Variants in TTC3 observed in about 807,000 individuals in gnomAD.
TTC3 encodes E3 ubiquitin-protein ligase TTC3.
TTC3 carries 180 observed loss-of-function variants against 249.6 expected under a neutral mutation model. The ratio of observed to expected loss-of-function variants is 0.72; its 90% CI spans 0.64 to 0.82. TTC3 has a LOEUF of 0.82. Ranked by LOEUF, TTC3 falls within the 40% of genes least tolerant of loss-of-function variation. The pLI, the probability that TTC3 is intolerant of heterozygous loss-of-function variation, is 0.00. For missense variants in TTC3, 2,061 were observed against 2,398.4 expected, an observed-to-expected ratio of 0.86 and a Z score of 2.94; for synonymous variants, 717 against 805.0, an observed-to-expected ratio of 0.89 and a Z score of 1.85.
chr21:37,182,847 A>G, exon 36 of TTC3: 1 of 1,595,650 alleles, frequency 6.3e-7, no homozygotes, highest in Non-Finnish European at 8.5e-7. Flanking sequence ...CAGGAAAAAA[A>G]AGAAATCCAA....
intron 36 of TTC3, among the ~76,000 whole-genome samples, chr21:37,183,652 C>T (rs2082961078): frequency 6.6e-6 from 1 of 152,068 alleles, no homozygotes; most frequent in Non-Finnish European, 1.5e-5. Flanking sequence ...GTGGCCTCAG[C>T]TGGGATGCTG....
At chr21:37,108,204 C>T (rs1040816164) in intron 10 of TTC3, 188 bp from the exon 11 acceptor site, 2 of 487,764 alleles carry the variant, frequency 4.1e-6, no homozygotes, top group South Asian at 3.8e-5. Context: ...TGACTTTTTC[C>T]CTTTGTTTTA....
chr21:37,118,121 CT>C (rs10710372), intron 11 of TTC3, among the ~76,000 whole-genome samples: 103,276 of 150,886 alleles, frequency 0.68, 35,645 homozygotes, highest in African/African-American at 0.77. Context: ...GGTTATTTTT[CT>C]TTTTTTTTTA....
chr21:37,080,022 A>G (rs1322927897), intron 1 of TTC3, among the ~76,000 whole-genome samples: 1 of 151,664 alleles, frequency 6.6e-6, no homozygotes, highest in African/African-American at 2.4e-5. Flanking sequence ...TATTTCATTG[A>G]TCTTTTTTCT....
chr21:37,138,746 A>C (rs2078180856), intron 19 of TTC3, 32 bp downstream of exon 19: 2 of 1,422,064 alleles, frequency 1.4e-6, no homozygotes, highest in Non-Finnish European at 2.0e-6. Flanking sequence ...ATAAACAATT[A>C]AAATGATATT....
intron 11 of TTC3, among the ~76,000 whole-genome samples, chr21:37,116,244 T>G (rs890347086): frequency 2.0e-5 from 3 of 152,222 alleles, no homozygotes; most frequent in Non-Finnish European, 4.4e-5. Flanking sequence ...TTTATGGATT[T>G]TAAAAAGTTA....
At position 37,090,296 on chromosome 21, in the gene TTC3, A is replaced by G. The variant is rs747911399; in HGVS notation, c.480+10A>G. The G allele has an allele frequency of 3.9e-5, 62 of 1,602,548 alleles. No homozygotes were observed. The highest frequency in any genetic ancestry group is 2.5e-4 in the Admixed American group (15 of 58,854). On this transcript the variant is annotated intron_variant, in intron 6 of 45. Transcript: ENST00000355666. ...TTGTAAAATAGAAAATGTAAGTGTT[A>G]AACACTGAAACTGGCACAGCCACTG...
In TTC3 at chr21:37,187,094, GA is replaced by G; in HGVS notation, c.4875del (p.Glu1628ArgfsTer40). 1.3e-6 allele frequency: 2 copies of G among 1,570,946 alleles called. No individual in the cohort carries two copies. The highest frequency in any genetic ancestry group is 1.7e-6 in the Non-Finnish European group (2 of 1,166,490). On this transcript the variant is annotated frameshift_variant, in exon 38 of 46. Coordinates refer to ENST00000355666, the Ensembl canonical transcript of TTC3. LOFTEE classifies it high-confidence loss of function. ...AAATGAAAATAGAAGAGTATATAAA[GA>G]AAGGGAAAGAGGATTATGAAGAGAG...
chr21:37,198,688 A>G (rs1384464707), intron 44 of TTC3, among the ~76,000 whole-genome samples: 1 of 152,244 alleles, frequency 6.6e-6, no homozygotes, highest in African/African-American at 2.4e-5. Flanking sequence ...AGAAAATACA[A>G]ATAAAAAGGG....
intron 27 of TTC3, among the ~76,000 whole-genome samples, chr21:37,155,331 C>T (rs185895643): frequency 3.9e-5 from 6 of 152,164 alleles, no homozygotes; most frequent in Non-Finnish European, 8.8e-5. Flanking sequence ...TAATAGAGCA[C>T]TAGTGAGATA....
chr21:37,124,917 C>A (rs1489167586), intron 14 of TTC3, among the ~76,000 whole-genome samples, 175 bp downstream of exon 14: 1 of 152,052 alleles, frequency 6.6e-6, no homozygotes, highest in African/African-American at 2.4e-5. Context: ...CATATAACTA[C>A]GTAAATAATA....
At chr21:37,122,437 TTA>T (rs1555879562) in intron 12 of TTC3, among the ~76,000 whole-genome samples, 2,835 of 28,458 alleles carry the variant, frequency 0.1, 125 homozygotes, top group African/African-American at 0.24. Context: ...TATATATATA[TTA>T]TATATATATA....
intron 28 of TTC3, among the ~76,000 whole-genome samples, chr21:37,159,087 G>A (rs138585473): frequency 4.5e-4 from 68 of 152,248 alleles, no homozygotes; most frequent in African/African-American, 1.5e-3. Flanking sequence ...TGGGGTCTGG[G>A]TTCATCATCA....
chr21:37,132,812 A>G (rs946560692), intron 17 of TTC3, 46 bp downstream of exon 17: 2 of 1,450,648 alleles, frequency 1.4e-6, no homozygotes, highest in Non-Finnish European at 1.9e-6. Context: ...CTCTTTGAAC[A>G]AAACATTGTT....
intron 18 of TTC3, among the ~76,000 whole-genome samples, chr21:37,137,516 G>C (rs2078062646): frequency 6.6e-6 from 1 of 152,164 alleles, no homozygotes; most frequent in African/African-American, 2.4e-5. Context: ...CTGAAGATGT[G>C]ACTGAATTGC....
chr21:37,131,701 T>C (rs1013776007), intron 16 of TTC3, among the ~76,000 whole-genome samples: 8 of 152,162 alleles, frequency 5.3e-5, no homozygotes, highest in Non-Finnish European at 1.0e-4. Context: ...ACTGATTCTT[T>C]ACCCTGTGAG....
intron 11 of TTC3, among the ~76,000 whole-genome samples, chr21:37,110,414 C>G (rs147120463): frequency 2.0e-5 from 3 of 151,454 alleles, no homozygotes; most frequent in African/African-American, 7.3e-5. Flanking sequence ...GACAAATGCA[C>G]AAACCTCAGT....
chr21:37,104,706 T>C, intron 10 of TTC3, among the ~76,000 whole-genome samples: 1 of 152,088 alleles, frequency 6.6e-6, no homozygotes, highest in Non-Finnish European at 1.5e-5. Flanking sequence ...GGGAAACATG[T>C]TTGGAATAGC....
intron 25 of TTC3, among the ~76,000 whole-genome samples, 200 bp from the exon 26 acceptor site, chr21:37,151,693 C>A (rs1171903194): frequency 6.6e-6 from 1 of 152,104 alleles, no homozygotes; most frequent in Non-Finnish European, 1.5e-5. Flanking sequence ...TAGACATCAC[C>A]TAATCATTGA....
Sources: allele counts gnomAD v4.1 joint callset (sites outside exome capture counted in the v4.1 genomes callset), GRCh38; gene constraint gnomAD v4.1.1; transcripts MANE v1.5; gene names NCBI Gene and HGNC (gene_info 2026-07-23, HGNC 2026-07-21).